The following ADAP1 variants were observed in gnomAD, a reference collection of about 807,000 sequenced individuals.
ADAP1 encodes ArfGAP with dual PH domains 1.
In ADAP1, 31 loss-of-function variants were observed where a neutral mutation model predicts 54.9. That is an observed-to-expected ratio of 0.56 (90% confidence interval 0.42 to 0.76). The LOEUF (loss-of-function observed/expected upper bound fraction) is 0.76. ADAP1 is among the 30% of genes least tolerant of loss of function. The probability of loss-of-function intolerance (pLI) is 0.00; values close to 1 mark genes in which losing one functional copy is unlikely to be tolerated. For missense variants in ADAP1, 535 were observed against 512.4 expected (o/e 1.04, Z -0.42); for synonymous variants, 313 against 202.6 (o/e 1.55, Z -4.63).
intron 2 of ADAP1, among the ~76,000 whole-genome samples, chr7:927,795 C>T (rs961614246): frequency 5.9e-5 from 9 of 152,002 alleles, no homozygotes; most frequent in African/African-American, 2.2e-4. Flanking sequence ...AGCCTCGACC[C>T]GAGACACAGG....
At chr7:921,683 A>G (rs1583163664) in intron 3 of ADAP1, among the ~76,000 whole-genome samples, 2 of 152,180 alleles carry the variant, frequency 1.3e-5, no homozygotes, top group East Asian at 3.9e-4. Flanking sequence ...TTCGGGGGAC[A>G]CCGTGCAGCT....
In ADAP1 at chr7:945,436, C is replaced by G. The variant is rs542481325; in HGVS notation, c.82+8960G>C. The stretch of plus-strand genomic sequence containing the variant: ...GCACTGAACCGTGGGGCCGGCCCTG[C>G]TTCTGCCCAGGACCACTTCTGGGTT... On this transcript the variant is annotated intron_variant, in intron 1 of 10. Coordinates refer to ENST00000265846, the MANE Select transcript of ADAP1 (RefSeq NM_006869.4). The surrounding 1 kb of genome is among the most constrained non-coding windows in gnomAD (Gnocchi z 4.2). Among the ~76,000 whole-genome samples the G allele has an allele frequency of 6.6e-6, 1 of 152,352 alleles. No individual in the cohort carries two copies. Among genetic ancestry groups the G allele is most frequent in the Non-Finnish European group, 1.5e-5 (1 of 68,016 alleles).
intron 4 of ADAP1, 121 bp from the exon 5 acceptor site, chr7:905,293 A>C (rs1845070080): frequency 2.3e-5 from 6 of 265,598 alleles, no homozygotes; most frequent in African/African-American, 8.1e-5. Context: ...GACGGGGGAC[A>C]CGGACAGGGG....
chr7:932,393 G>A (rs964569780), intron 2 of ADAP1, among the ~76,000 whole-genome samples: 1 of 152,070 alleles, frequency 6.6e-6, no homozygotes, highest in African/African-American at 2.4e-5. Flanking sequence ...CCCACCCCTG[G>A]GCCCTTGCCC....
intron 4 of ADAP1, among the ~76,000 whole-genome samples, chr7:915,521 G>A (rs982977103): frequency 1.3e-5 from 2 of 152,242 alleles, no homozygotes; most frequent in African/African-American, 2.4e-5. Context: ...GACCCTGCGA[G>A]CAAGCGTGTG....
At chr7:916,843 C>T (rs1029381108) in intron 4 of ADAP1, among the ~76,000 whole-genome samples, 1 of 151,864 alleles carries the variant, frequency 6.6e-6, no homozygotes, top group African/African-American at 2.4e-5. Context: ...GTGCCTTGCT[C>T]AGGCCTGGGG....
At chr7:921,686 G>A (rs545223221) in intron 3 of ADAP1, among the ~76,000 whole-genome samples, 2 of 152,312 alleles carry the variant, frequency 1.3e-5, no homozygotes, top group East Asian at 1.9e-4. Context: ...GGGGGACACC[G>A]TGCAGCTGCC....
chr7:953,772 AGGGATGCCCGGCC>A (rs1398580537), intron 1 of ADAP1, among the ~76,000 whole-genome samples: 1 of 152,226 alleles, frequency 6.6e-6, no homozygotes, highest in Non-Finnish European at 1.5e-5. Flanking sequence ...GAACCGAGTC[AGGGATGCCCGGCC>A]GGGAGAACGA....
At chr7:935,673 C>T (rs1044613416) in intron 1 of ADAP1, among the ~76,000 whole-genome samples, 168 bp from the exon 2 acceptor site, 14 of 50,102 alleles carry the variant, frequency 2.8e-4, no homozygotes, top group African/African-American at 9.4e-4. Context: ...ACCCCAGCTC[C>T]CCCCCCGCCC....
chr7:914,495 G>A (rs1012713883), intron 4 of ADAP1, among the ~76,000 whole-genome samples: 2 of 152,144 alleles, frequency 1.3e-5, no homozygotes, highest in African/African-American at 2.4e-5. Context: ...CTCTGCCCAC[G>A]GGGCCGCCCC....
rs781753857 is a variant in ADAP1 at position 899,405 on chromosome 7, C to A, written c.867+14G>T. On this transcript the variant is annotated intron_variant, in intron 9 of 10. Transcript: ENST00000265846. ...GAGCTGCCCTCCCGTGCTGGGGCCA[C>A]AGCTCCTCCTTACCAGGGGGTCTTT... The A allele has an allele frequency of 6.2e-7, 1 of 1,612,788 alleles. No individual in the cohort carries two copies. Among genetic ancestry groups the A allele is most frequent in the South Asian group, 1.1e-5 (1 of 91,060 alleles).
intron 2 of ADAP1, among the ~76,000 whole-genome samples, chr7:932,884 C>T (rs1018794142): frequency 6.6e-6 from 1 of 152,180 alleles, no homozygotes; most frequent in African/African-American, 2.4e-5. Flanking sequence ...TTTGGGGTCG[C>T]CCTGGGTGGG....
At chr7:904,614 G>A (rs567891085) in intron 5 of ADAP1, among the ~76,000 whole-genome samples, 38 of 152,324 alleles carry the variant, frequency 2.5e-4, no homozygotes, top group South Asian at 4.1e-4. Flanking sequence ...TGCCCGCCAC[G>A]GCTCAGGGCG....
intron 4 of ADAP1, among the ~76,000 whole-genome samples, chr7:906,658 GGCGGGA>G (rs1845404687): frequency 1.6e-4 from 16 of 99,218 alleles, no homozygotes; most frequent in Admixed American, 7.9e-4. Context: ...GGAGAAAGGG[GGCGGGA>G]AAGGGGACAT....
chr7:905,246 G>A (rs557532403), intron 4 of ADAP1, 74 bp from the exon 5 acceptor site: 2 of 1,089,226 alleles, frequency 1.8e-6, no homozygotes, highest in South Asian at 1.3e-5. Context: ...CGATGGACAG[G>A]ACAGAGGGGA....
intron 5 of ADAP1, among the ~76,000 whole-genome samples, chr7:904,766 C>T (rs1013460144): frequency 2.0e-5 from 3 of 152,234 alleles, no homozygotes; most frequent in African/African-American, 7.2e-5. Flanking sequence ...TCCTGGCTGG[C>T]TCCAGAGGGG....
chr7:924,376 C>T (rs1428876359), intron 3 of ADAP1, among the ~76,000 whole-genome samples: 1 of 2,968 alleles, frequency 3.4e-4, no homozygotes, highest in African/African-American at 7.9e-3. Flanking sequence ...TGCAGGTCCA[C>T]GCTGCACCCC....
intron 4 of ADAP1, among the ~76,000 whole-genome samples, chr7:916,972 GT>G (rs1845959475): frequency 2.3e-5 from 3 of 131,804 alleles, no homozygotes; most frequent in Admixed American, 7.4e-5. Flanking sequence ...TACCGGGGAG[GT>G]GCACAGGAGG....
chr7:906,775 CAGGGGACACGGGGGACGGGACA>C (rs1845462519), intron 4 of ADAP1, among the ~76,000 whole-genome samples: 1 of 11,878 alleles, frequency 8.4e-5, no homozygotes, highest in East Asian at 1.4e-3. Context: ...ACATGGGGGA[CAGGGGACACGGGGGACGGGACA>C]GGGGACATGG....
Sources: allele counts gnomAD v4.1 joint callset (sites outside exome capture counted in the v4.1 genomes callset), GRCh38; gene constraint gnomAD v4.1.1; non-coding constraint Gnocchi (gnomAD v3.1); transcripts MANE v1.5; gene names NCBI Gene and HGNC (gene_info 2026-07-23, HGNC 2026-07-21).